The following HS3ST5 variants were observed in gnomAD, a reference collection of about 807,000 sequenced individuals.
The protein encoded by HS3ST5 is heparan sulfate-glucosamine 3-sulfotransferase 5, also known as heparan sulfate glucosamine 3-O-sulfotransferase 5.
A neutral mutation model predicts 25.4 loss-of-function variants in HS3ST5; 10 were observed. That is an observed-to-expected ratio of 0.39 (90% CI 0.24 to 0.67). HS3ST5 has a LOEUF of 0.67. HS3ST5 is among the 30% of genes least tolerant of loss of function. The pLI is 0.44. For missense variants in HS3ST5, 324 were observed against 420.7 expected (o/e 0.77, Z 2.01); for synonymous variants, 170 against 162.4 (o/e 1.05, Z -0.36).
intron 3 of HS3ST5, among the ~76,000 whole-genome samples, chr6:114,162,428 C>G (rs1237813784): frequency 6.6e-6 from 1 of 152,148 alleles, no homozygotes; most frequent in African/African-American, 2.4e-5. Flanking sequence ...TCACTTCTGC[C>G]CAGAACCTCA....
chr6:114,236,901 T>C (rs1771882542), intron 1 of HS3ST5, among the ~76,000 whole-genome samples: 1 of 152,232 alleles, frequency 6.6e-6, no homozygotes. Context: ...GTCAAAGAAC[T>C]GGAAAATGTT....
chr6:114,068,152 A>T (rs1173624658), intron 3 of HS3ST5, among the ~76,000 whole-genome samples: 1 of 152,228 alleles, frequency 6.6e-6, no homozygotes, highest in Non-Finnish European at 1.5e-5. Flanking sequence ...ATAACTTTTA[A>T]TGGAAATTCT....
intron 1 of HS3ST5, among the ~76,000 whole-genome samples, chr6:114,313,283 T>C (rs1236361067): frequency 2.6e-5 from 4 of 152,158 alleles, no homozygotes; most frequent in African/African-American, 7.2e-5. Flanking sequence ...GGAAAACAGT[T>C]TGATAGCCTT....
chr6:114,104,590 G>T (rs1268680029), intron 3 of HS3ST5, among the ~76,000 whole-genome samples: 1 of 152,180 alleles, frequency 6.6e-6, no homozygotes, highest in African/African-American at 2.4e-5. Context: ...ACTCGGTTGT[G>T]TTCAGCAACA....
At chr6:114,269,052 C>T (rs749565826) in intron 1 of HS3ST5, among the ~76,000 whole-genome samples, 9 of 152,160 alleles carry the variant, frequency 5.9e-5, no homozygotes, top group Non-Finnish European at 8.8e-5. Flanking sequence ...TAAAACAGTT[C>T]ATTAGTTGCT....
intron 1 of HS3ST5, among the ~76,000 whole-genome samples, chr6:114,239,985 A>G (rs925094677): frequency 2.7e-5 from 4 of 147,420 alleles, no homozygotes; most frequent in Admixed American, 2.1e-4. Context: ...GTTTTACATC[A>G]ATTCTTGAGC....
chr6:114,153,239 A>C (rs528415452), intron 3 of HS3ST5, among the ~76,000 whole-genome samples: 6 of 152,082 alleles, frequency 3.9e-5, no homozygotes, highest in Non-Finnish European at 7.3e-5. Flanking sequence ...CTCCTTTTGT[A>C]TGTTCCATGC....
At chr6:114,234,440 G>T (rs1771760949) in intron 1 of HS3ST5, among the ~76,000 whole-genome samples, 1 of 151,820 alleles carries the variant, frequency 6.6e-6, no homozygotes, top group African/African-American at 2.4e-5. Context: ...TTCCCCTAGA[G>T]TACTAAAAGA....
At chr6:114,288,168 T>C (rs1249175250) in intron 1 of HS3ST5, among the ~76,000 whole-genome samples, 1 of 152,108 alleles carries the variant, frequency 6.6e-6, no homozygotes, top group Non-Finnish European at 1.5e-5. Flanking sequence ...TGTTAAGTAA[T>C]GTAAAGCAGC....
rs1208240309 is a variant in HS3ST5, at chr6:114,168,409, A to G, written c.-91T>C. 6.6e-6 allele frequency: 1 copy of G among 152,180 alleles called. No individual in the cohort carries two copies. Among genetic ancestry groups the G allele is most frequent in the African/African-American group, 2.4e-5 (1 of 41,428 alleles). 9.4% of individuals were successfully genotyped at this position (152,180 alleles called of 1,614,324 possible). On this transcript the variant is annotated 5_prime_UTR_variant, in exon 3 of 5. An upstream start codon of the reference 5' UTR is lost. Coordinates refer to ENST00000312719, the MANE Select transcript of HS3ST5 (RefSeq NM_153612.4). ...TGATTATCTTGTTGGCGGGTATTCC[A>G]TGGCCTCTCCTCACCTACTGGCTGT...
intron 1 of HS3ST5, among the ~76,000 whole-genome samples, chr6:114,233,912 T>C (rs1471476506): frequency 4.6e-5 from 7 of 152,156 alleles, no homozygotes; most frequent in Non-Finnish European, 8.8e-5. Flanking sequence ...ATTGAAAACA[T>C]GCATAGGGAA....
intron 3 of HS3ST5, among the ~76,000 whole-genome samples, chr6:114,121,376 A>G (rs1380101110): frequency 3.3e-5 from 5 of 152,178 alleles, no homozygotes; most frequent in Non-Finnish European, 7.3e-5. Context: ...TTCCACTCAG[A>G]GTTCTTTCTG....
chr6:114,196,638 C>T (rs945526273), intron 2 of HS3ST5, among the ~76,000 whole-genome samples: 3 of 150,230 alleles, frequency 2.0e-5, no homozygotes, highest in African/African-American at 7.4e-5. Flanking sequence ...CACCTCTTAG[C>T]CAGGCTGGAG....
chr6:114,317,868 T>A (rs1775806137), intron 1 of HS3ST5, among the ~76,000 whole-genome samples: 1 of 152,082 alleles, frequency 6.6e-6, no homozygotes, highest in African/African-American at 2.4e-5. Context: ...GCTAGCGATC[T>A]GACTACCCCA....
At chr6:114,178,568 A>G (rs1224054184) in intron 2 of HS3ST5, 1 of 152,216 alleles carries the variant, frequency 6.6e-6, no homozygotes, top group Admixed American at 6.5e-5. Context: ...CGAGTGTGCA[A>G]CTGGGCAGGG....
chr6:114,135,309 T>C (rs1249390874), intron 3 of HS3ST5, among the ~76,000 whole-genome samples: 2 of 152,154 alleles, frequency 1.3e-5, no homozygotes, highest in East Asian at 1.9e-4. Flanking sequence ...GTAACTGATA[T>C]ATACGTTAAG....
chr6:114,305,432 T>C (rs1775248673), intron 1 of HS3ST5, among the ~76,000 whole-genome samples: 1 of 152,150 alleles, frequency 6.6e-6, no homozygotes, highest in African/African-American at 2.4e-5. Flanking sequence ...CAACTATGAA[T>C]AATAGCAGCT....
At position 114,062,652 on chromosome 6, in the gene HS3ST5, A is replaced by G; in HGVS notation, c.107+87T>C. On this transcript the variant is annotated intron_variant, in intron 4 of 4. Transcript: ENST00000312719. The stretch of plus-strand genomic sequence containing the variant: ...CTGGGAATTTCGAAGGAGAAAAACA[A>G]GTGGATAGACTTAAAATTATGTCCT... The G allele has an allele frequency of 6.3e-6, 5 of 789,604 alleles. No homozygotes were observed. The South Asian group carries it at 9.0e-5, about 14-fold the overall frequency. The allele number at this position is 789,604 out of a possible 1,614,324, so 48.9% of individuals were successfully genotyped here.
chr6:114,140,403 T>C (rs1273456910), intron 3 of HS3ST5, among the ~76,000 whole-genome samples: 1 of 152,198 alleles, frequency 6.6e-6, no homozygotes, highest in African/African-American at 2.4e-5. Flanking sequence ...GTGTATTAAA[T>C]AATTGTAAAA....
Sources: allele counts gnomAD v4.1 joint callset (sites outside exome capture counted in the v4.1 genomes callset), GRCh38; gene constraint gnomAD v4.1.1; transcripts MANE v1.5; gene names NCBI Gene and HGNC (gene_info 2026-07-23, HGNC 2026-07-21).